Variants in PHTF2 observed in about 807,000 individuals in gnomAD.
PHTF2 encodes putative homeodomain transcription factor 2.
In PHTF2, 60 loss-of-function variants were observed where a neutral mutation model predicts 101.2. That is an observed-to-expected ratio of 0.59 (90% CI 0.48 to 0.73). PHTF2 has a LOEUF of 0.73. PHTF2 is among the 30% of genes least tolerant of loss of function. PHTF2 has a pLI of 0.00. For missense variants in PHTF2, 747 were observed against 908.7 expected (o/e 0.82, Z 2.29); for synonymous variants, 311 against 307.3 (o/e 1.01, Z -0.13).
chr7:77,929,090 A>C lies in PHTF2; in HGVS notation c.1120-19A>C, dbSNP rs367690528. 6.4e-6 allele frequency: 10 copies of C among 1,573,798 alleles called. No individual in the cohort carries two copies. The African/African-American group carries it at 1.2e-4, about 19-fold the overall frequency. On this transcript the variant is annotated intron_variant, in intron 11 of 19. Coordinates refer to ENST00000416283, the Ensembl canonical transcript of PHTF2. ...GAGTACATAAATTGTATTAATGTCA[A>C]AGAATATCTTGATTTCAGGACGCCC... is the stretch of plus-strand genomic sequence containing the variant.
chr7:77,831,871 A>AT (rs1795103331), intron 1 of PHTF2, among the ~76,000 whole-genome samples: 1 of 152,186 alleles, frequency 6.6e-6, no homozygotes, highest in East Asian at 1.9e-4. Flanking sequence ...TGTGATTAAA[A>AT]TTATCCACAT....
At chr7:77,862,083 A>G (rs1198799433) in intron 3 of PHTF2, among the ~76,000 whole-genome samples, 1 of 151,628 alleles carries the variant, frequency 6.6e-6, no homozygotes, top group Non-Finnish European at 1.5e-5. Context: ...AAGGAAAAAT[A>G]GAAAAAAATA....
chr7:77,841,101 G>T (rs1584458695), intron 2 of PHTF2, among the ~76,000 whole-genome samples: 6 of 26,420 alleles, frequency 2.3e-4, no homozygotes, highest in African/African-American at 2.0e-3. Flanking sequence ...TTTTTGAGAT[G>T]GAATCTCTCT....
chr7:77,915,985 G>GTC (rs1359327175), intron 9 of PHTF2, among the ~76,000 whole-genome samples: 13 of 151,240 alleles, frequency 8.6e-5, no homozygotes. Context: ...GTGTCTGTGT[G>GTC]TGTGTGTGTG....
At chr7:77,848,643 T>C (rs1454922429) in intron 2 of PHTF2, among the ~76,000 whole-genome samples, 1 of 152,208 alleles carries the variant, frequency 6.6e-6, no homozygotes, top group Non-Finnish European at 1.5e-5. Flanking sequence ...GCAAATATTT[T>C]CTATCATTCT....
At chr7:77,905,473 C>T (rs949705811) in intron 7 of PHTF2, among the ~76,000 whole-genome samples, 1 of 151,332 alleles carries the variant, frequency 6.6e-6, no homozygotes, top group African/African-American at 2.4e-5. Context: ...CTCAAGTAAT[C>T]CTCCCACTTC....
At chr7:77,907,055 T>TATGTATGGC (rs1360310234) in intron 7 of PHTF2, among the ~76,000 whole-genome samples, 1 of 152,178 alleles carries the variant, frequency 6.6e-6, no homozygotes, top group Non-Finnish European at 1.5e-5. Flanking sequence ...AGTGCCTATG[T>TATGTATGGC]ACTGTATGTA....
chr7:77,901,612 A>C (rs932921656), intron 6 of PHTF2, 150 bp from the exon 6 acceptor site: 4 of 398,952 alleles, frequency 1.0e-5, no homozygotes, highest in Non-Finnish European at 1.8e-5. Context: ...AAAATATTTA[A>C]AGTATCTATA....
chr7:77,858,298 C>T (rs1797341121), intron 3 of PHTF2, among the ~76,000 whole-genome samples: 1 of 152,170 alleles, frequency 6.6e-6, no homozygotes, highest in Middle Eastern at 3.4e-3. Flanking sequence ...TATCTGTAGC[C>T]TAAATAATTT....
intron 1 of PHTF2, among the ~76,000 whole-genome samples, chr7:77,838,175 T>G (rs1460315304): frequency 6.6e-6 from 1 of 152,170 alleles, no homozygotes. Context: ...GGGGCAAACC[T>G]CTGGGATACA....
chr7:77,805,598 G>A (rs1019857270), intron 1 of PHTF2, among the ~76,000 whole-genome samples: 1 of 152,030 alleles, frequency 6.6e-6, no homozygotes, highest in Admixed American at 6.6e-5. Context: ...ATTTTGATAT[G>A]TTTTCATTTT....
intron 12 of PHTF2, among the ~76,000 whole-genome samples, chr7:77,930,890 G>A (rs1804505814): frequency 6.6e-6 from 1 of 152,068 alleles, no homozygotes; most frequent in African/African-American, 2.4e-5. Context: ...CAATTTTGAA[G>A]AACAACAGGG....
intron 3 of PHTF2, among the ~76,000 whole-genome samples, chr7:77,885,072 A>C (rs2463011): frequency 0.58 from 88,121 of 152,002 alleles, 27,371 homozygotes; most frequent in African/African-American, 0.82. Context: ...TTGTGCATCT[A>C]CTTTTTTTAA....
chr7:77,801,358 G>A (rs1227981359), intron 1 of PHTF2, among the ~76,000 whole-genome samples: 2 of 152,146 alleles, frequency 1.3e-5, no homozygotes, highest in African/African-American at 4.8e-5. Flanking sequence ...GGCCAAGGCG[G>A]GTGGATCACC....
chr7:77,836,058 C>T (rs748599294), intron 1 of PHTF2, among the ~76,000 whole-genome samples: 1 of 133,850 alleles, frequency 7.5e-6, no homozygotes, highest in Non-Finnish European at 1.5e-5. Flanking sequence ...GCAGAGGTTG[C>T]GGTGAGCTGA....
chr7:77,894,618 C>T (rs1800728936), intron 5 of PHTF2, among the ~76,000 whole-genome samples: 1 of 152,062 alleles, frequency 6.6e-6, no homozygotes, highest in African/African-American at 2.4e-5. Flanking sequence ...AGGATTAAGT[C>T]CTGGGACAGA....
intron 9 of PHTF2, among the ~76,000 whole-genome samples, chr7:77,919,217 G>GAA (rs1803214984): frequency 6.6e-6 from 1 of 152,112 alleles, no homozygotes; most frequent in Admixed American, 6.5e-5. Flanking sequence ...GAGTTTTAAG[G>GAA]TCCTGCTCAG....
At chr7:77,899,062 C>A (rs1018161453) in intron 5 of PHTF2, among the ~76,000 whole-genome samples, 2 of 152,108 alleles carry the variant, frequency 1.3e-5, no homozygotes, top group Non-Finnish European at 2.9e-5. Context: ...TTGGCCCCCG[C>A]AAAGTGCTGG....
In PHTF2 at chr7:77,827,201, G is replaced by T. The variant is rs1319151208; in HGVS notation, c.-35-13020G>T. Among the ~76,000 whole-genome samples, 8 of 152,056 alleles carry T rather than the reference G, an allele frequency of 5.3e-5. 1 individual carries two copies. Among genetic ancestry groups the T allele is most frequent in the Admixed American group, 6.6e-5 (1 of 15,258 alleles). ...GTCACTTTTTTCTTTTGTTTTGATG[G>T]CTCTATAAGCTAAGGAAACTTTTTT... is the stretch of plus-strand genomic sequence containing the variant. On this transcript the variant is annotated intron_variant, in intron 1 of 19. Transcript: ENST00000416283.
Sources: allele counts gnomAD v4.1 joint callset (sites outside exome capture counted in the v4.1 genomes callset), GRCh38; gene constraint gnomAD v4.1.1; transcripts MANE v1.5; gene names NCBI Gene and HGNC (gene_info 2026-07-23, HGNC 2026-07-21).